RAB8B: variants seen among roughly 807,000 people sequenced by gnomAD.
RAB8B encodes the protein ras-related protein Rab-8B.
A neutral mutation model predicts 32.0 loss-of-function variants in RAB8B; 11 were observed. The observed-to-expected ratio is 0.34, with a 90% CI of 0.22 to 0.57. RAB8B has a LOEUF of 0.57. Ranked by LOEUF, RAB8B falls within the 20% of genes least tolerant of loss-of-function variation. The pLI, the probability that RAB8B is intolerant of heterozygous loss-of-function variation, is 0.86. For missense variants in RAB8B, 190 were observed against 258.5 expected (o/e 0.73, Z 1.82); for synonymous variants, 103 against 89.6 (o/e 1.15, Z -0.85).
intron 1 of RAB8B, among the ~76,000 whole-genome samples, chr15:63,231,100 T>C (rs1308309118): frequency 6.6e-6 from 1 of 152,234 alleles, no homozygotes; most frequent in Non-Finnish European, 1.5e-5. Context: ...GGAATTTTCC[T>C]GGAAAGTAAA....
intron 1 of RAB8B, among the ~76,000 whole-genome samples, chr15:63,216,224 AT>A (rs1213130181): frequency 7.2e-6 from 1 of 138,118 alleles, no homozygotes; most frequent in East Asian, 2.3e-4. Flanking sequence ...TAATTAATTA[AT>A]TAATTATTAT....
chr15:63,263,682 A>C lies in RAB8B; in HGVS notation c.*63A>C. 7.5e-7 allele frequency: 1 copy of C among 1,330,912 alleles called. No individual in the cohort carries two copies. 82.4% of individuals were successfully genotyped at this position (1,330,912 alleles called of 1,614,324 possible). On this transcript the variant is annotated 3_prime_UTR_variant, in exon 8 of 8. Coordinates refer to ENST00000321437, the MANE Select transcript of RAB8B (RefSeq NM_016530.3). ...CCCTTTCCTGCTTCTCTGAAAGCAC[A>C]GGTCACCCAGCCTCAGAATCACACC...
At chr15:63,242,639 C>T (rs1271096736) in intron 1 of RAB8B, among the ~76,000 whole-genome samples, 2 of 152,174 alleles carry the variant, frequency 1.3e-5, no homozygotes, top group Admixed American at 1.3e-4. Context: ...GATTGCTCCA[C>T]TGCACTCCAG....
chr15:63,194,086 CCTT>C (rs1424448151), intron 1 of RAB8B, among the ~76,000 whole-genome samples: 1 of 152,096 alleles, frequency 6.6e-6, no homozygotes, highest in Non-Finnish European at 1.5e-5. Context: ...TGCCCTGCCC[CCTT>C]CTTCCTGTTA....
chr15:63,267,043 C>T lies in RAB8B; in HGVS notation c.*3424C>T, dbSNP rs1394916867. On this transcript the variant is annotated 3_prime_UTR_variant, in exon 8 of 8. Coordinates refer to ENST00000321437, the MANE Select transcript of RAB8B (RefSeq NM_016530.3). ...TTAAACAGAAGAGACATTCCTTTTT[C>T]CTTGTTACATCCAAGGGGGGCACAG... is the stretch of plus-strand genomic sequence containing the variant. 6.6e-6 allele frequency: 1 copy of T among 151,788 alleles called. No individual in the cohort carries two copies. The highest frequency in any genetic ancestry group is 2.4e-5 in the African/African-American group (1 of 41,166). 9.4% of individuals were successfully genotyped at this position (151,788 alleles called of 1,614,324 possible). A position where few individuals can be genotyped will look rare whatever the true frequency, so the allele number is the denominator to read the frequency against.
intron 3 of RAB8B, among the ~76,000 whole-genome samples, chr15:63,253,981 A>T (rs1414487093): frequency 1.3e-5 from 2 of 152,136 alleles, no homozygotes; most frequent in African/African-American, 2.4e-5. Flanking sequence ...TCACAAGGGG[A>T]TATCTATTGG....
At chr15:63,196,057 T>C (rs1488394194) in intron 1 of RAB8B, among the ~76,000 whole-genome samples, 1 of 152,238 alleles carries the variant, frequency 6.6e-6, no homozygotes, top group African/African-American at 2.4e-5. Context: ...GCGTGGCTGC[T>C]TTTTATTTGC....
chr15:63,230,849 C>G (rs929819135), intron 1 of RAB8B, among the ~76,000 whole-genome samples: 1 of 152,108 alleles, frequency 6.6e-6, no homozygotes, highest in Non-Finnish European at 1.5e-5. Context: ...GCATGTGCCA[C>G]CATGCCCAGC....
At chr15:63,202,089 T>TAAAAAAAAAAA (rs146981058) in intron 1 of RAB8B, among the ~76,000 whole-genome samples, 3 of 85,774 alleles carry the variant, frequency 3.5e-5, no homozygotes, top group Non-Finnish European at 4.4e-5. Context: ...CCGTCTCTAC[T>TAAAAAAAAAAA]AAAAAAAAAA....
intron 1 of RAB8B, among the ~76,000 whole-genome samples, chr15:63,240,002 C>T (rs2038018957): frequency 6.6e-6 from 1 of 151,858 alleles, no homozygotes; most frequent in African/African-American, 2.4e-5. Flanking sequence ...GAGAAGGCTG[C>T]AAAGTGAGGT....
At chr15:63,224,886 C>T (rs999330496) in intron 1 of RAB8B, among the ~76,000 whole-genome samples, 9 of 152,154 alleles carry the variant, frequency 5.9e-5, no homozygotes, top group African/African-American at 1.7e-4. Context: ...ACAGAATCCT[C>T]ATCTTTAGCC....
intron 5 of RAB8B, among the ~76,000 whole-genome samples, chr15:63,257,242 T>C (rs569626319): frequency 7.9e-5 from 12 of 152,052 alleles, no homozygotes; most frequent in African/African-American, 2.6e-4. Context: ...AAATTATATA[T>C]GCAAAATGCA....
At chr15:63,209,539 C>T (rs904795352) in intron 1 of RAB8B, among the ~76,000 whole-genome samples, 2 of 150,554 alleles carry the variant, frequency 1.3e-5, no homozygotes, top group African/African-American at 4.9e-5. Flanking sequence ...TGCAGTGAGC[C>T]GAGATCACAC....
At chr15:63,251,695 T>C (rs976754374) in intron 3 of RAB8B, among the ~76,000 whole-genome samples, 1 of 152,230 alleles carries the variant, frequency 6.6e-6, no homozygotes, top group Non-Finnish European at 1.5e-5. Context: ...TGTTCTGCTG[T>C]ATACAATGCC....
At chr15:63,229,810 A>G (rs1259804035) in intron 1 of RAB8B, among the ~76,000 whole-genome samples, 2 of 146,764 alleles carry the variant, frequency 1.4e-5, no homozygotes, top group African/African-American at 2.6e-5. Flanking sequence ...AAAAAAAAAA[A>G]GAAGCCAAAC....
intron 1 of RAB8B, among the ~76,000 whole-genome samples, chr15:63,200,472 A>G (rs1347351007): frequency 6.6e-6 from 1 of 152,246 alleles, no homozygotes; most frequent in Non-Finnish European, 1.5e-5. Context: ...AGTATTTTCA[A>G]ATAGTCTCAT....
intron 1 of RAB8B, among the ~76,000 whole-genome samples, chr15:63,231,244 G>A (rs914872155): frequency 3.3e-5 from 5 of 152,062 alleles, no homozygotes; most frequent in Admixed American, 2.0e-4. Context: ...TTTTTAGTTA[G>A]TTGTACTATG....
rs1468714419 is a variant in RAB8B, at chr15:63,264,711, T to C, written c.*1092T>C. ...TAGCTCTTGGTAATGGTGAAAATAA[T>C]GAGTTTTGGTTGGTTTTATTTGGCA... On this transcript the variant is annotated 3_prime_UTR_variant, in exon 8 of 8. Coordinates refer to ENST00000321437, the MANE Select transcript of RAB8B (RefSeq NM_016530.3). The C allele has an allele frequency of 3.3e-5, 5 of 152,322 alleles. No individual in the cohort carries two copies. The highest frequency in any genetic ancestry group is 2.1e-4 in the South Asian group (1 of 4,828). 9.4% of individuals were successfully genotyped at this position (152,322 alleles called of 1,614,324 possible).
chr15:63,228,479 C>G (rs1265915079), intron 1 of RAB8B, among the ~76,000 whole-genome samples: 2 of 152,182 alleles, frequency 1.3e-5, no homozygotes, highest in Non-Finnish European at 1.5e-5. Flanking sequence ...GCAAATGATG[C>G]CTTTCCTCCT....
Sources: allele counts gnomAD v4.1 joint callset (sites outside exome capture counted in the v4.1 genomes callset), GRCh38; gene constraint gnomAD v4.1.1; transcripts MANE v1.5; gene names NCBI Gene and HGNC (gene_info 2026-07-23, HGNC 2026-07-21).